The following SEC14L4 variants were observed in gnomAD, a reference collection of about 807,000 sequenced individuals.
SEC14L4 encodes the protein SEC14-like protein 4.
Under a neutral mutation model 55.1 loss-of-function variants are expected in SEC14L4, and 42 were observed. That is an observed-to-expected ratio of 0.76 (90% CI 0.60 to 0.99). The LOEUF (loss-of-function observed/expected upper bound fraction) is 0.99. SEC14L4 is among the 50% of genes least tolerant of loss of function. SEC14L4 has a pLI of 0.00. For synonymous variants in SEC14L4, 206 were observed against 206.8 expected (o/e 1.00, Z 0.03); for missense variants, 445 against 512.1 (o/e 0.87, Z 1.27).
chr22:30,496,012 C>T (rs760981995), intron 2 of SEC14L4, 41 bp from the exon 3 acceptor site: 2 of 1,587,792 alleles, frequency 1.3e-6, no homozygotes, highest in Admixed American at 1.7e-5. Flanking sequence ...AGGCTAGATC[C>T]AGAAAGAGCC....
At chr22:30,498,850 A>G (rs1049354582) in intron 2 of SEC14L4, among the ~76,000 whole-genome samples, 1 of 152,192 alleles carries the variant, frequency 6.6e-6, no homozygotes, top group African/African-American at 2.4e-5. Context: ...AGCACTCATT[A>G]ATGTTTTCAA....
In SEC14L4 at chr22:30,491,886, C is replaced by T. The variant is rs1334552416; in HGVS notation, c.859G>A (p.Gly287Ser). 17 of 1,613,060 alleles carry T rather than the reference C, an allele frequency of 1.1e-5. No individual in the cohort carries two copies. In the East Asian group the frequency reaches 3.1e-4, roughly 30 times the overall value. Residue 287 changes from glycine (G) to serine (S), a missense_variant, in exon 10 of 12, where the codon GGC (glycine) becomes AGC (serine). Coordinates refer to ENST00000255858, the MANE Select transcript of SEC14L4 (RefSeq NM_174977.4). ...QYEHTRSVGRGSSLQVENEIL... is the reference protein window; with the variant it reads ...QYEHTRSVGRSSSLQVENEIL... The stretch of plus-strand genomic sequence containing the variant: ...TCGTTCTCCACCTGCAGGGAGGAGC[C>T]GCGGCCCACGGACCTCGTGTGCTCA...
At position 30,494,968 on chromosome 22, in the gene SEC14L4, G is replaced by A. The variant is rs1300207010; in HGVS notation, c.424-7C>T. ...TCTCGATCTTCCTGCCCAGCTGCTT[G>A]GGACAGAGTCATATAGGTCAGACGA... On this transcript the variant is annotated splice_region_variant and splice_polypyrimidine_tract_variant and intron_variant, in intron 5 of 11. Coordinates refer to ENST00000255858, the MANE Select transcript of SEC14L4 (RefSeq NM_174977.4). 6.2e-7 allele frequency: 1 copy of A among 1,612,070 alleles called. No individual in the cohort carries two copies. The highest frequency in any genetic ancestry group is 1.3e-5 in the African/African-American group (1 of 74,868).
chr22:30,504,988 C>A (rs1361189573), intron 1 of SEC14L4, among the ~76,000 whole-genome samples: 1 of 151,900 alleles, frequency 6.6e-6, no homozygotes, highest in African/African-American at 2.4e-5. Context: ...AAAAATTAGT[C>A]GGGTGTGGTG....
Position 30,494,847 on chromosome 22 carries a change from A to C in SEC14L4, c.519+19T>G, listed in dbSNP as rs370478546. On this transcript the variant is annotated intron_variant, in intron 6 of 11. Coordinates refer to ENST00000255858, the MANE Select transcript of SEC14L4 (RefSeq NM_174977.4). ...GGAGCCACTGCCCACACCAGCCCCA[A>C]GCCAGCCACCCACCTTACCTGCTGG... 126 of 1,586,856 alleles carry C rather than the reference A, an allele frequency of 7.9e-5. No homozygotes were observed. The highest frequency in any genetic ancestry group is 1.0e-4 in the Non-Finnish European group (118 of 1,156,216).
At position 30,494,880 on chromosome 22, in the gene SEC14L4, C is replaced by T; in HGVS notation, c.505G>A (p.Glu169Lys). The T allele has an allele frequency of 6.2e-7, 1 of 1,613,390 alleles. No individual in the cohort carries two copies. Among genetic ancestry groups the T allele is most frequent in the Non-Finnish European group, 8.5e-7 (1 of 1,179,610 alleles). ...ACCCACCTTACCTGCTGGTAGACCTCCACAGCTGGCTTCCACAGGTGTTTC... is the reference window on the plus strand; with the variant it reads ...ACCCACCTTACCTGCTGGTAGACCTTCACAGCTGGCTTCCACAGGTGTTTC... ...SLKHLWKPAV[E>K]VYQQFFSILE... The change falls in exon 6 of 12, where the codon GAG (glutamate) becomes AAG (lysine). Residue 169 changes from glutamate (E) to lysine (K), a missense_variant. Physicochemically the swap from Glu to Lys is moderately conservative, Grantham distance 56. Coordinates refer to ENST00000255858, the MANE Select transcript of SEC14L4 (RefSeq NM_174977.4).
At chr22:30,493,877 A>C (rs901244609) in intron 7 of SEC14L4, among the ~76,000 whole-genome samples, 1 of 152,042 alleles carries the variant, frequency 6.6e-6, no homozygotes, top group Non-Finnish European at 1.5e-5. Context: ...GGTGGCGTGC[A>C]CCTGTAATCC....
intron 7 of SEC14L4, chr22:30,492,868 G>A (rs577246241): frequency 6.7e-6 from 2 of 297,810 alleles, no homozygotes; most frequent in East Asian, 1.5e-4. Flanking sequence ...CAGATCACTT[G>A]AAGCCAGCAG....
intron 2 of SEC14L4, among the ~76,000 whole-genome samples, chr22:30,498,543 T>C (rs1055480781): frequency 2.0e-5 from 3 of 152,224 alleles, no homozygotes; most frequent in African/African-American, 2.4e-5. Context: ...TTTCTACCAA[T>C]TGATATTTTT....
At chr22:30,490,589 A>C (rs1239113073) in intron 11 of SEC14L4, among the ~76,000 whole-genome samples, 1 of 152,236 alleles carries the variant, frequency 6.6e-6, no homozygotes, top group Non-Finnish European at 1.5e-5. Context: ...GCTGTGGCCC[A>C]CGGACACAGT....
chr22:30,504,260 G>T (rs937707275), intron 1 of SEC14L4, among the ~76,000 whole-genome samples: 1 of 152,046 alleles, frequency 6.6e-6, no homozygotes, highest in South Asian at 2.1e-4. Context: ...TTGCTATGTT[G>T]CCCAGGCTGG....
intron 2 of SEC14L4, among the ~76,000 whole-genome samples, chr22:30,498,914 T>G (rs1936231344): frequency 6.6e-6 from 1 of 152,136 alleles, no homozygotes; most frequent in Non-Finnish European, 1.5e-5. Context: ...TAAGATAAAC[T>G]TCCCTTGGTC....
At chr22:30,499,890 G>GTTTTT (rs1936267214) in intron 2 of SEC14L4, among the ~76,000 whole-genome samples, 1 of 146,568 alleles carries the variant, frequency 6.8e-6, no homozygotes, top group African/African-American at 2.5e-5. Flanking sequence ...TTTTTTTTGA[G>GTTTTT]ACAGAGTCTC....
At chr22:30,504,094 A>G (rs1378117928) in intron 1 of SEC14L4, among the ~76,000 whole-genome samples, 2 of 150,526 alleles carry the variant, frequency 1.3e-5, no homozygotes, top group African/African-American at 4.9e-5. Context: ...ATCTCACTCT[A>G]TCGCCCAAGC....
rs556598480 is a variant in SEC14L4, at chr22:30,492,178, C to T, written c.665-23G>A. The stretch of plus-strand genomic sequence containing the variant: ...TGTCTGCATGGGAGCAAGAGAGGGA[C>T]TCCAAAGGGACTCAGGAGACTCAAC... On this transcript the variant is annotated intron_variant, in intron 8 of 11. Coordinates refer to ENST00000255858, the MANE Select transcript of SEC14L4 (RefSeq NM_174977.4). The T allele has an allele frequency of 7.5e-6, 12 of 1,592,168 alleles. No homozygotes were observed. In the South Asian group the frequency reaches 1.4e-4, roughly 18 times the overall value.
chr22:30,504,181 C>T lies in SEC14L4; in HGVS notation c.55-429G>A, dbSNP rs999593155. On this transcript the variant is annotated intron_variant, in intron 1 of 11. Transcript: ENST00000255858. ...CAATAGATCCTCCCAGCTCAGACTCCCAAGTAGCTGGGACCACAGGCACAC... is the reference window on the plus strand; with the variant it reads ...CAATAGATCCTCCCAGCTCAGACTCTCAAGTAGCTGGGACCACAGGCACAC... 2.6e-5 allele frequency among the ~76,000 whole-genome samples: 4 copies of T among 152,024 alleles called. No homozygotes were observed. In the South Asian group the frequency reaches 6.2e-4, roughly 24 times the overall value.
At chr22:30,493,831 C>G (rs1936047084) in intron 7 of SEC14L4, among the ~76,000 whole-genome samples, 1 of 152,102 alleles carries the variant, frequency 6.6e-6, no homozygotes, top group South Asian at 2.1e-4. Context: ...TAGGGAAACC[C>G]CATCTCTACT....
chr22:30,495,833 G>C (rs760662603), intron 3 of SEC14L4, 95 bp downstream of exon 3: 1 of 1,591,032 alleles, frequency 6.3e-7, no homozygotes, highest in East Asian at 2.2e-5. Flanking sequence ...GAAGAAACAG[G>C]AGAATGGGAC....
intron 6 of SEC14L4, 54 bp downstream of exon 6, chr22:30,494,812 C>T: frequency 8.4e-7 from 1 of 1,185,468 alleles, no homozygotes. Context: ...ACAGCTAGGG[C>T]TCACAGCTGG....
Sources: gnomAD v4.1 joint callset for allele counts (sites outside exome capture counted in the v4.1 genomes callset) on GRCh38, gnomAD v4.1.1 for gene constraint, MANE v1.5 for transcripts, NCBI Gene and HGNC (gene_info 2026-07-23, HGNC 2026-07-21) for gene names.